The following ANK3 variants were observed in gnomAD, a reference collection of about 807,000 sequenced individuals.
The protein encoded by ANK3 is ankyrin-3.
Under a neutral mutation model 370.9 loss-of-function variants are expected in ANK3, and 57 were observed. The observed-to-expected ratio is 0.15, with a 90% CI of 0.12 to 0.19. ANK3 has a LOEUF of 0.19. ANK3 is among the 10% of genes least tolerant of loss of function. The pLI is 1.00. For missense variants in ANK3, 4,439 were observed against 5,302.1 expected (o/e 0.84, Z 5.06); for synonymous variants, 1,929 against 1,946.3 (o/e 0.99, Z 0.23).
intron 2 of ANK3, among the ~76,000 whole-genome samples, chr10:60,553,751 T>A (rs187392621): frequency 0.017 from 2,602 of 152,064 alleles, 30 homozygotes; most frequent in South Asian, 0.039. Context: ...TGAAAACCAA[T>A]AAAGGAAAAG....
chr10:60,726,322 AT>A (rs1190268903), intron 1 of ANK3, among the ~76,000 whole-genome samples: 1 of 152,160 alleles, frequency 6.6e-6, no homozygotes, highest in Non-Finnish European at 1.5e-5. Context: ...ACTCCATCTA[AT>A]TTCTGCCTAA....
At chr10:60,718,601 T>C (rs1383990517) in intron 1 of ANK3, among the ~76,000 whole-genome samples, 1 of 152,194 alleles carries the variant, frequency 6.6e-6, no homozygotes, top group Non-Finnish European at 1.5e-5. Flanking sequence ...AAAAACTATA[T>C]GCTCCAGCTC....
intron 1 of ANK3, among the ~76,000 whole-genome samples, chr10:60,642,733 C>G (rs1329377001): frequency 2.6e-5 from 4 of 152,042 alleles, no homozygotes; most frequent in Non-Finnish European, 5.9e-5. Flanking sequence ...ACCTATGTAA[C>G]TAACCTGCAC....
In ANK3 at chr10:60,710,185, C is replaced by T. The variant is rs559695140; in HGVS notation, c.57+23078G>A. On this transcript the variant is annotated intron_variant, in intron 1 of 43. Coordinates refer to the ANK3 transcript ENST00000373827. ...ACTTTTTACTGCAATACACAATTTA[C>T]TGGAGAGATGAACTGCTCACACAGA... Among the ~76,000 whole-genome samples the T allele has an allele frequency of 2.6e-5, 4 of 152,218 alleles. No individual in the cohort carries two copies. The South Asian group carries it at 6.2e-4, about 24-fold the overall frequency.
chr10:60,671,893 CA>C (rs2079068255), intron 1 of ANK3, among the ~76,000 whole-genome samples: 1 of 152,180 alleles, frequency 6.6e-6, no homozygotes. Flanking sequence ...ACTGGCTTGC[CA>C]GGCTTACAAA....
At chr10:60,392,670 T>C (rs2063136541), upstream of ANK3, among the ~76,000 whole-genome samples, 3 of 152,186 alleles carry the variant, frequency 2.0e-5, no homozygotes, top group South Asian at 6.2e-4. Context: ...GGCTCATGCC[T>C]ATAATCCCAG....
chr10:60,075,911 C>T lies in ANK3; in HGVS notation c.4970G>A (p.Ser1657Asn). The T allele has an allele frequency of 1.2e-6, 2 of 1,614,030 alleles. No homozygotes were observed. The highest frequency in any genetic ancestry group is 8.5e-7 in the Non-Finnish European group (1 of 1,179,992). ...PKSNINMYSS[S>N]LPFKSIITSA... is the part of the protein sequence containing the mutation. The stretch of plus-strand genomic sequence containing the variant: ...TGTAATAATTGACTTAAATGGCAAA[C>T]TTGAGGAATACATATTAATGTTTGA... Residue 1657 changes from serine (S) to asparagine (N), a missense_variant, in exon 37 of 44, where the codon AGT (serine) becomes AAT (asparagine). By Grantham distance (46) the Ser-to-Asn change is conservative. Transcript: ENST00000280772.
intron 1 of ANK3, among the ~76,000 whole-genome samples, chr10:60,627,839 C>T (rs1423313487): frequency 3.3e-5 from 5 of 152,064 alleles, no homozygotes; most frequent in Admixed American, 6.6e-5. Context: ...CTCAAAATAA[C>T]GCCATAACAT....
chr10:60,280,597 G>A (rs2098146957), intron 1 of ANK3, among the ~76,000 whole-genome samples: 1 of 152,188 alleles, frequency 6.6e-6, no homozygotes, highest in African/African-American at 2.4e-5. Context: ...ATAGAAAGAT[G>A]GTGAGAGGAA....
chr10:60,045,366 C>A (rs1471695687), intron 42 of ANK3, among the ~76,000 whole-genome samples: 1 of 152,068 alleles, frequency 6.6e-6, no homozygotes, highest in Non-Finnish European at 1.5e-5. Context: ...AGGGTGGGCG[C>A]CTATTTTCCT....
At position 60,140,776 on chromosome 10, in the gene ANK3, T is replaced by C. The variant is rs988260003; in HGVS notation, c.2615-1689A>G. ...GTTATTTGTATGTAAATATGAGGAC[T>C]GCTCCGGTGTAGACTTTCGGTAATT... On this transcript the variant is annotated intron_variant, in intron 23 of 43. Transcript: ENST00000280772. 6 of 1,038,962 alleles carry C rather than the reference T, an allele frequency of 5.8e-6. No individual in the cohort carries two copies. In the African/African-American group the frequency reaches 1.0e-4, roughly 18 times the overall value. The allele number at this position is 1,038,962 out of a possible 1,614,324, so 64.4% of individuals were successfully genotyped here. A position where few individuals can be genotyped will look rare whatever the true frequency, so the allele number is the denominator to read the frequency against.
chr10:60,090,880 A>C (rs1290994002), intron 28 of ANK3, among the ~76,000 whole-genome samples: 3 of 152,040 alleles, frequency 2.0e-5, no homozygotes, highest in Non-Finnish European at 4.4e-5. Flanking sequence ...TTGAAAATGC[A>C]CCTACCCTGG....
chr10:60,053,978 C>A (rs1352833589), intron 42 of ANK3, among the ~76,000 whole-genome samples: 1 of 152,106 alleles, frequency 6.6e-6, no homozygotes, highest in Non-Finnish European at 1.5e-5. Context: ...ACAAGAAATC[C>A]TGAAAATGTT....
chr10:60,550,470 T>C (rs1429047621), intron 2 of ANK3, among the ~76,000 whole-genome samples: 3 of 151,926 alleles, frequency 2.0e-5, no homozygotes, highest in Non-Finnish European at 4.4e-5. Context: ...ATAGAAAAGA[T>C]GTAAATTTCT....
chr10:60,483,582 A>T (rs1357692656), intron 2 of ANK3, among the ~76,000 whole-genome samples: 1 of 152,180 alleles, frequency 6.6e-6, no homozygotes, highest in Non-Finnish European at 1.5e-5. Context: ...TGCTTAGGAA[A>T]GTTAACTGAT....
upstream of ANK3, among the ~76,000 whole-genome samples, chr10:60,392,519 C>G (rs1364592679): frequency 1.3e-5 from 2 of 152,208 alleles, no homozygotes; most frequent in African/African-American, 4.8e-5. Context: ...GGCCGACGGT[C>G]ACCTCCCTCT....
intron 7 of ANK3, among the ~76,000 whole-genome samples, chr10:60,238,022 T>C (rs1305314113): frequency 6.6e-6 from 1 of 152,212 alleles, no homozygotes; most frequent in Non-Finnish European, 1.5e-5. Flanking sequence ...TTAAAAACCC[T>C]AGCTTCTCAT....
At chr10:60,637,088 C>T (rs965787462) in intron 1 of ANK3, among the ~76,000 whole-genome samples, 1 of 152,194 alleles carries the variant, frequency 6.6e-6, no homozygotes, top group Non-Finnish European at 1.5e-5. Context: ...TTTCACATTT[C>T]AGTCACCTTA....
At chr10:60,369,100 A>G (rs557297135) in intron 1 of ANK3, among the ~76,000 whole-genome samples, 2 of 152,144 alleles carry the variant, frequency 1.3e-5, no homozygotes, top group Non-Finnish European at 2.9e-5. Flanking sequence ...TTCGGTTTAA[A>G]AAAAAACTCC....
Sources: allele counts gnomAD v4.1 joint callset (sites outside exome capture counted in the v4.1 genomes callset), GRCh38; gene constraint gnomAD v4.1.1; transcripts MANE v1.5; gene names NCBI Gene and HGNC (gene_info 2026-07-23, HGNC 2026-07-21).